The following MBNL1 variants were observed in gnomAD, a reference collection of about 807,000 sequenced individuals.
MBNL1 encodes muscleblind-like protein 1.
In MBNL1, 8 loss-of-function variants were observed where a neutral mutation model predicts 42.2. The ratio of observed to expected loss-of-function variants is 0.19; its 90% CI spans 0.11 to 0.34. MBNL1 has a LOEUF of 0.34. Among genes scored for constraint, MBNL1 ranks in the 10% least tolerant of loss-of-function variants. The probability of loss-of-function intolerance (pLI) is 1.00; values close to 1 mark genes in which losing one functional copy is unlikely to be tolerated. For synonymous variants in MBNL1, 169 were observed against 173.9 expected (o/e 0.97, Z 0.22); for missense variants, 309 against 495.3 (o/e 0.62, Z 3.57).
Position 152,287,989 on chromosome 3 carries a change from TTC to T in MBNL1, c.-789-11412_-789-11411del, listed in dbSNP as rs371152134. ...CCTTATAGTTTCTGTTCAATATGCA[TTC>T]TCTTTTGAAAGTACAAATTTGTAAT... On this transcript the variant is annotated intron_variant, in intron 1 of 9. Coordinates refer to ENST00000324210, the MANE Select transcript of MBNL1 (RefSeq NM_021038.5). Among the ~76,000 whole-genome samples, 93 of 152,340 alleles carry T rather than the reference TTC, an allele frequency of 6.1e-4. No homozygotes were observed. The South Asian group carries it at 0.019, about 31-fold the overall frequency.
intron 2 of MBNL1, among the ~76,000 whole-genome samples, chr3:152,335,702 A>G (rs968784982): frequency 6.6e-6 from 1 of 152,138 alleles, no homozygotes; most frequent in African/African-American, 2.4e-5. Context: ...CAAACATGTC[A>G]ATAGTTTACT....
At chr3:152,364,326 A>G (rs2096218922) in intron 2 of MBNL1, among the ~76,000 whole-genome samples, 1 of 152,114 alleles carries the variant, frequency 6.6e-6, no homozygotes. Context: ...TGTTTTTGTT[A>G]TCAGCAAGAG....
intron 1 of MBNL1, among the ~76,000 whole-genome samples, chr3:152,282,140 A>G (rs755763): frequency 0.79 from 119,417 of 152,084 alleles, 47,813 homozygotes; most frequent in African/African-American, 0.95. Flanking sequence ...CCATTTTGTG[A>G]TTCCCTGTAT....
intron 1 of MBNL1, among the ~76,000 whole-genome samples, chr3:152,281,513 G>A (rs561104547): frequency 4.6e-5 from 7 of 151,996 alleles, no homozygotes; most frequent in South Asian, 2.1e-4. Flanking sequence ...TATATCAAAT[G>A]GCCTAATCTG....
At chr3:152,275,976 G>A in intron 1 of MBNL1, among the ~76,000 whole-genome samples, 1 of 151,996 alleles carries the variant, frequency 6.6e-6, no homozygotes, top group East Asian at 1.9e-4. Flanking sequence ...CATTATAAAG[G>A]TGTAAATATT....
chr3:152,254,996 C>T (rs1352034885), intron 2 of MBNL1, among the ~76,000 whole-genome samples: 2 of 152,084 alleles, frequency 1.3e-5, no homozygotes, highest in Non-Finnish European at 2.9e-5. Flanking sequence ...GCCTATACCA[C>T]TTAATTTCTG....
intron 2 of MBNL1, among the ~76,000 whole-genome samples, chr3:152,413,313 A>G (rs916078105): frequency 2.6e-5 from 4 of 152,204 alleles, no homozygotes; most frequent in African/African-American, 9.7e-5. Context: ...TTGATACACA[A>G]ATTAAATTGT....
Position 152,447,679 on chromosome 3 carries a change from C to T in MBNL1, c.867C>T (p.Asn289=), listed in dbSNP as rs1205352432. 32 of 1,613,028 alleles carry T rather than the reference C, an allele frequency of 2.0e-5. No individual in the cohort carries two copies. Among genetic ancestry groups the T allele is most frequent in the Admixed American group, 3.3e-5 (2 of 59,962 alleles). ...LPKRPALEKT[N]GATAVFNTGI... is the part of the protein sequence containing the mutation. ...AGAGGCCTGCTCTTGAAAAAACCAA[C>T]GGTGCCACCGCAGTCTTTAACACTG... Residue 289 remains asparagine (N), a synonymous_variant, in exon 6 of 10, where the codon AAC becomes AAT. Coordinates refer to ENST00000324210, the MANE Select transcript of MBNL1 (RefSeq NM_021038.5).
chr3:152,382,006 A>C (rs2097197432), intron 2 of MBNL1, among the ~76,000 whole-genome samples: 1 of 152,094 alleles, frequency 6.6e-6, no homozygotes, highest in East Asian at 1.9e-4. Flanking sequence ...GTCTTTCTCA[A>C]TTGATTTAGA....
At chr3:152,368,627 G>A (rs1400604620) in intron 2 of MBNL1, among the ~76,000 whole-genome samples, 1 of 152,160 alleles carries the variant, frequency 6.6e-6, no homozygotes, top group Non-Finnish European at 1.5e-5. Flanking sequence ...TCATGATATT[G>A]ATTCTTCCTT....
intron 4 of MBNL1, among the ~76,000 whole-genome samples, chr3:152,435,621 T>C (rs1349972243): frequency 1.3e-5 from 2 of 152,236 alleles, no homozygotes; most frequent in Non-Finnish European, 2.9e-5. Context: ...AATGTATAGC[T>C]TGCTTTGAGC....
intron 2 of MBNL1, chr3:152,340,887 G>A (rs767159375): frequency 1.1e-5 from 17 of 1,612,008 alleles, no homozygotes; most frequent in Non-Finnish European, 1.4e-5. Context: ...GCACCTGTGG[G>A]CCAGGGTCCA....
At chr3:152,340,629 A>G in intron 2 of MBNL1, 2 of 1,613,990 alleles carry the variant, frequency 1.2e-6, no homozygotes, top group South Asian at 1.1e-5. Context: ...ACCTGCAACT[A>G]AACCCACAAG....
chr3:152,329,741 A>G (rs2083000575), intron 2 of MBNL1, among the ~76,000 whole-genome samples: 1 of 147,620 alleles, frequency 6.8e-6, no homozygotes, highest in Non-Finnish European at 1.5e-5. Flanking sequence ...TATAATATAT[A>G]TAAGAAATAT....
chr3:152,384,439 A>G (rs1347467937), intron 2 of MBNL1, among the ~76,000 whole-genome samples: 1 of 152,164 alleles, frequency 6.6e-6, no homozygotes. Context: ...ACTAAATTCA[A>G]ATTGGTTTTT....
intron 3 of MBNL1, among the ~76,000 whole-genome samples, chr3:152,426,977 C>T (rs1049397506): frequency 2.0e-5 from 3 of 152,192 alleles, no homozygotes; most frequent in African/African-American, 7.2e-5. Context: ...TCCAGGAACA[C>T]CTAGAATTCT....
intron 2 of MBNL1, among the ~76,000 whole-genome samples, chr3:152,351,940 A>G (rs2095047686): frequency 6.6e-6 from 1 of 152,232 alleles, no homozygotes; most frequent in South Asian, 2.1e-4. Flanking sequence ...CTAAGCATAT[A>G]CTTGGTCTCT....
At chr3:152,367,060 T>G (rs979653005) in intron 2 of MBNL1, among the ~76,000 whole-genome samples, 5 of 152,144 alleles carry the variant, frequency 3.3e-5, no homozygotes, top group Non-Finnish European at 7.4e-5. Context: ...AATTATATTT[T>G]AAGTTCTGGG....
At chr3:152,335,856 T>C (rs2089634876) in intron 2 of MBNL1, among the ~76,000 whole-genome samples, 1 of 152,172 alleles carries the variant, frequency 6.6e-6, no homozygotes, top group Admixed American at 6.6e-5. Flanking sequence ...TACAGTGGCA[T>C]AGTAAAGGTT....
Sources: gnomAD v4.1 joint callset for allele counts (sites outside exome capture counted in the v4.1 genomes callset) on GRCh38, gnomAD v4.1.1 for gene constraint, MANE v1.5 for transcripts, NCBI Gene and HGNC (gene_info 2026-07-23, HGNC 2026-07-21) for gene names.